The following CRISP1 variants were observed in gnomAD, a reference collection of about 807,000 sequenced individuals.
CRISP1 encodes the protein cysteine rich secretory protein 1, also known as cysteine-rich secretory protein 1.
Under a neutral mutation model 33.1 loss-of-function variants are expected in CRISP1, and 44 were observed. The observed-to-expected ratio is 1.33, with a 90% CI of 1.05 to 1.71. CRISP1 has a LOEUF of 1.71. CRISP1 is among the 40% of genes most tolerant of loss of function. CRISP1 has a pLI of 0.00. For synonymous variants in CRISP1, 103 were observed against 98.7 expected (o/e 1.04, Z -0.26); for missense variants, 390 against 301.2 (o/e 1.29, Z -2.18).
intron 1 of CRISP1, among the ~76,000 whole-genome samples, chr6:49,873,221 C>A (rs1209523232): frequency 2.0e-5 from 3 of 151,152 alleles, no homozygotes; most frequent in South Asian, 2.1e-4. Context: ...GCCAGAAAAA[C>A]CTAATTGTTC....
Position 49,836,339 on chromosome 6 carries a change from TA to T in CRISP1, c.623-897del, listed in dbSNP as rs199913115. ...ATAAATTTTATTTTTATTTTTATTTTATTTTTTTTTTTTTGAGACGGAGTCT... is the reference window on the plus strand; with the variant it reads ...ATAAATTTTATTTTTATTTTTATTTTTTTTTTTTTTTTTGAGACGGAGTCT... On this transcript the variant is annotated intron_variant, in intron 7 of 7. Transcript: ENST00000335847. 8.8e-3 allele frequency among the ~76,000 whole-genome samples: 1,289 copies of T among 147,294 alleles called. 23 individuals carry two copies. The highest frequency in any genetic ancestry group is 0.03 in the African/African-American group (1,223 of 40,806).
rs547343690 is a variant in CRISP1 at position 49,841,005 on chromosome 6, T to C, written c.436-10A>G. ...ATGTGGCCCAAACAATCTGCAATGA[T>C]AAAGAGTTGTTTTATTACAGATTAA... On this transcript the variant is annotated splice_polypyrimidine_tract_variant and intron_variant, in intron 5 of 7. Coordinates refer to ENST00000335847, the MANE Select transcript of CRISP1 (RefSeq NM_001131.3). 1.2e-6 allele frequency: 2 copies of C among 1,605,062 alleles called. No homozygotes were observed. Among genetic ancestry groups the C allele is most frequent in the Non-Finnish European group, 1.7e-6 (2 of 1,172,274 alleles).
At chr6:49,874,317 A>C (rs1011369284) in intron 1 of CRISP1, among the ~76,000 whole-genome samples, 6 of 152,120 alleles carry the variant, frequency 3.9e-5, no homozygotes, top group African/African-American at 9.7e-5. Flanking sequence ...AAACATTTAG[A>C]AAAATAGACC....
chr6:49,865,901 C>G (rs1261467538), intron 1 of CRISP1, among the ~76,000 whole-genome samples: 1 of 152,138 alleles, frequency 6.6e-6, no homozygotes, highest in African/African-American at 2.4e-5. Flanking sequence ...CTCAATTTCT[C>G]CTTCATGCTG....
chr6:49,872,907 C>A (rs1215616249), intron 1 of CRISP1, among the ~76,000 whole-genome samples: 1 of 151,886 alleles, frequency 6.6e-6, no homozygotes, highest in Non-Finnish European at 1.5e-5. Flanking sequence ...TCCATATGAA[C>A]TTTAATGTAG....
intron 5 of CRISP1, among the ~76,000 whole-genome samples, chr6:49,841,971 C>T (rs1771005247): frequency 6.6e-6 from 1 of 152,160 alleles, no homozygotes; most frequent in Admixed American, 6.5e-5. Flanking sequence ...GCCCTCCCTG[C>T]CTTATGTGAG....
At chr6:49,858,809 A>G (rs1771565347) in intron 1 of CRISP1, among the ~76,000 whole-genome samples, 1 of 152,148 alleles carries the variant, frequency 6.6e-6, no homozygotes, top group African/African-American at 2.4e-5. Context: ...GGAGATTCTG[A>G]GGGGAGGGGC....
intron 2 of CRISP1, among the ~76,000 whole-genome samples, chr6:49,857,032 T>C (rs1272446223): frequency 6.6e-6 from 1 of 152,168 alleles, no homozygotes; most frequent in African/African-American, 2.4e-5. Context: ...CCTGTGTTAT[T>C]CAGAGAGGCC....
chr6:49,870,072 A>G (rs1771887099), upstream of CRISP1, among the ~76,000 whole-genome samples: 1 of 152,208 alleles, frequency 6.6e-6, no homozygotes, highest in Admixed American at 6.5e-5. Flanking sequence ...TTTTTTGTAC[A>G]TTACCCAGTC....
At chr6:49,871,128 A>G (rs1378374038), upstream of CRISP1, among the ~76,000 whole-genome samples, 30 of 4,580 alleles carry the variant, frequency 6.6e-3, no homozygotes, top group Admixed American at 0.019. Flanking sequence ...AACAAAACAA[A>G]CAAAAAAAAA....
chr6:49,835,125 C>A lies in CRISP1; in HGVS notation c.*191G>T. ...ATTTAAGGCAGGTGTTGGACTTGAC[C>A]TTTTACTCCAGCACTAAGAAAGTTT... On this transcript the variant is annotated 3_prime_UTR_variant, in exon 8 of 8. Transcript: ENST00000335847. The A allele has an allele frequency of 6.0e-6, 3 of 496,818 alleles. No homozygotes were observed. Among genetic ancestry groups the A allele is most frequent in the Middle Eastern group, 4.9e-4 (1 of 2,026 alleles). The allele number at this position is 496,818 out of a possible 1,614,324, so 30.8% of individuals were successfully genotyped here.
upstream of CRISP1, among the ~76,000 whole-genome samples, chr6:49,870,765 G>A (rs1256044066): frequency 2.6e-5 from 4 of 152,060 alleles, no homozygotes; most frequent in African/African-American, 9.7e-5. Context: ...CCCAAATTTT[G>A]CTTAAGGTTG....
At chr6:49,851,828 A>G (rs778098091) in intron 3 of CRISP1, among the ~76,000 whole-genome samples, 173 bp downstream of exon 3, 3 of 152,192 alleles carry the variant, frequency 2.0e-5, no homozygotes, top group Non-Finnish European at 4.4e-5. Flanking sequence ...GACTAACCAT[A>G]TAATCATCAG....
upstream of CRISP1, among the ~76,000 whole-genome samples, chr6:49,868,499 A>T (rs1477239690): frequency 6.6e-6 from 1 of 152,216 alleles, no homozygotes; most frequent in Admixed American, 6.5e-5. Context: ...AAGAAACTTT[A>T]AATCAATCAT....
At chr6:49,858,001 A>G (rs954216094) in intron 1 of CRISP1, among the ~76,000 whole-genome samples, 3 of 152,188 alleles carry the variant, frequency 2.0e-5, no homozygotes, top group Non-Finnish European at 4.4e-5. Context: ...ACAGTAGGAT[A>G]ATAAACCTGT....
In CRISP1 at chr6:49,846,660, A is replaced by G. The variant is rs531070604; in HGVS notation, c.295T>C (p.Cys99Arg). The change falls in exon 5 of 8, where the codon TGT (cysteine) becomes CGT (arginine). Residue 99 changes from cysteine to arginine, a missense_variant. Transcript: ENST00000335847. ...GATGTCATATGCATATTTTCTCCAC[A>G]AAAGGTATCTGAAATGAGAAAACGG... ...PLERRLPNTF[C>R]GENMHMTSYP... 1.2e-6 allele frequency: 2 copies of G among 1,613,234 alleles called. No individual in the cohort carries two copies. The highest frequency in any genetic ancestry group is 1.7e-4 in the Middle Eastern group (1 of 6,052).
intron 5 of CRISP1, among the ~76,000 whole-genome samples, chr6:49,842,650 A>G (rs1034423808): frequency 3.3e-5 from 5 of 152,102 alleles, no homozygotes; most frequent in African/African-American, 9.7e-5. Context: ...CTTGCTGTTC[A>G]GTTCATTCTG....
chr6:49,868,749 C>T (rs1407576309), upstream of CRISP1, among the ~76,000 whole-genome samples: 1 of 152,152 alleles, frequency 6.6e-6, no homozygotes, highest in Non-Finnish European at 1.5e-5. Context: ...ATTGCTTCTT[C>T]ATACCACTCA....
intron 2 of CRISP1, 75 bp from the exon 3 acceptor site, chr6:49,852,204 G>A: frequency 1.5e-6 from 2 of 1,359,482 alleles, no homozygotes; most frequent in South Asian, 2.7e-5. Context: ...CAGACCTATA[G>A]GTAATGCAAA....
Sources: allele counts gnomAD v4.1 joint callset (sites outside exome capture counted in the v4.1 genomes callset), GRCh38; gene constraint gnomAD v4.1.1; transcripts MANE v1.5; gene names NCBI Gene and HGNC (gene_info 2026-07-23, HGNC 2026-07-21).